KLHL28: variants seen among roughly 807,000 people sequenced by gnomAD.
The protein encoded by KLHL28 is kelch-like protein 28.
Under a neutral mutation model 48.3 loss-of-function variants are expected in KLHL28, and 22 were observed. The ratio of observed to expected loss-of-function variants is 0.46; its 90% CI spans 0.33 to 0.65. The LOEUF (loss-of-function observed/expected upper bound fraction) is 0.65. Among genes scored for constraint, KLHL28 ranks in the 30% least tolerant of loss-of-function variants. The pLI, the probability that KLHL28 is intolerant of heterozygous loss-of-function variation, is 0.03. For missense variants in KLHL28, 527 were observed against 704.3 expected (o/e 0.75, Z 2.85); for synonymous variants, 243 against 242.4 (o/e 1.00, Z -0.02).
chr14:44,934,238 A>G lies in KLHL28; in HGVS notation c.1220T>C (p.Ile407Thr). 1 of 1,614,172 alleles carries G rather than the reference A, an allele frequency of 6.2e-7. No homozygotes were observed. Residue 407 changes from isoleucine (I) to threonine (T), a missense_variant, in exon 3 of 5, where the codon ATT becomes ACT. Transcript: ENST00000396128. ...AGGTTGCCATTTTCTTATTTTGGGA[A>G]TGTACTTCTCTACAGATTGTAAATA... Reference protein sequence around the residue: ...QSYLQSVEKYIPKIRKWQPVA... With the variant: ...QSYLQSVEKYTPKIRKWQPVA...
chr14:44,930,668 G>A (rs1389948476), intron 4 of KLHL28, among the ~76,000 whole-genome samples: 1 of 152,184 alleles, frequency 6.6e-6, no homozygotes, highest in Non-Finnish European at 1.5e-5. Context: ...AACCTGGTAA[G>A]CATAATTCAA....
chr14:44,945,385 C>T lies in KLHL28; in HGVS notation c.544G>A (p.Asp182Asn), dbSNP rs773582765. Reference protein sequence around the residue: ...EFFELTHADLDEIVSNDCLNV... With the variant: ...EFFELTHADLNEIVSNDCLNV... ...AAACAGTCATTGGAAACAATTTCAT[C>T]CAAGTCAGCATGTGTAAGCTCAAAA... Residue 182 changes from aspartate to asparagine, a missense_variant, in exon 2 of 5, where the codon GAT becomes AAT. By Grantham distance (23) the Asp-to-Asn change is conservative (BLOSUM62 1). Coordinates refer to ENST00000396128, the MANE Select transcript of KLHL28 (RefSeq NM_017658.5). 3 of 1,614,164 alleles carry T rather than the reference C, an allele frequency of 1.9e-6. No individual in the cohort carries two copies. The South Asian group carries it at 3.3e-5, about 18-fold the overall frequency.
rs556632410 is a variant in KLHL28, at chr14:44,950,419, T to C, written c.1-4491A>G. On this transcript the variant is annotated intron_variant, in intron 1 of 4. Transcript: ENST00000396128. ...ATTTTTAATATAATTAGGAATCACATAGTGATAGATCCTATATTGTTAACC... is the reference window on the plus strand; with the variant it reads ...ATTTTTAATATAATTAGGAATCACACAGTGATAGATCCTATATTGTTAACC... Among the ~76,000 whole-genome samples, 5 of 152,282 alleles carry C rather than the reference T, an allele frequency of 3.3e-5. No homozygotes were observed. In the East Asian group the frequency reaches 9.6e-4, roughly 29 times the overall value.
intron 2 of KLHL28, 85 bp downstream of exon 2, chr14:44,944,945 A>G: frequency 3.9e-6 from 4 of 1,035,582 alleles, no homozygotes. Flanking sequence ...GGAAAATCAA[A>G]CTATTTTTAA....
chr14:44,930,410 A>T (rs1457859234), intron 4 of KLHL28, among the ~76,000 whole-genome samples: 1 of 152,088 alleles, frequency 6.6e-6, no homozygotes, highest in Non-Finnish European at 1.5e-5. Flanking sequence ...CACTACAGGC[A>T]TGTGCCACCG....
chr14:44,931,212 T>C (rs1883571824), intron 4 of KLHL28, 121 bp downstream of exon 4: 1 of 532,808 alleles, frequency 1.9e-6, no homozygotes, highest in Non-Finnish European at 3.1e-6. Context: ...TACAAGTCTT[T>C]TTTTTTTTTT....
intron 4 of KLHL28, among the ~76,000 whole-genome samples, chr14:44,930,867 T>C (rs1883554744): frequency 6.6e-6 from 1 of 152,204 alleles, no homozygotes; most frequent in Non-Finnish European, 1.5e-5. Flanking sequence ...CAAAAGTGGA[T>C]TTGTTTTGTT....
chr14:44,960,150 A>C (rs1210044113), intron 1 of KLHL28, among the ~76,000 whole-genome samples: 2 of 152,206 alleles, frequency 1.3e-5, no homozygotes, highest in Non-Finnish European at 2.9e-5. Context: ...CAGGGATCTA[A>C]AAAAACAAGA....
intron 1 of KLHL28, among the ~76,000 whole-genome samples, chr14:44,959,748 T>C (rs1020130869): frequency 6.6e-6 from 1 of 152,202 alleles, no homozygotes; most frequent in Non-Finnish European, 1.5e-5. Context: ...CAATTTTCAA[T>C]GTATCCTTAA....
In KLHL28 at chr14:44,928,645, T is replaced by A. The variant is rs1883454220; in HGVS notation, c.*383A>T. 7.2e-6 allele frequency: 1 copy of A among 139,022 alleles called. No homozygotes were observed. The highest frequency in any genetic ancestry group is 8.0e-5 in the Admixed American group (1 of 12,448). The allele number at this position is 139,022 out of a possible 1,614,324, so 8.6% of individuals were successfully genotyped here. A position where few individuals can be genotyped will look rare whatever the true frequency, so the allele number is the denominator to read the frequency against. ...ACTCCAGCACCTAAAGCATCGCTCA[T>A]CCTAGAAAATCATGGTTATCAGGGA... On this transcript the variant is annotated 3_prime_UTR_variant, in exon 5 of 5. Transcript: ENST00000396128.
Position 44,945,234 on chromosome 14 carries a change from T to A in KLHL28, c.695A>T (p.Lys232Met). The A allele has an allele frequency of 6.2e-7, 1 of 1,614,136 alleles. No individual in the cohort carries two copies. The highest frequency in any genetic ancestry group is 8.5e-7 in the Non-Finnish European group (1 of 1,179,986). Residue 232 changes from lysine (K) to methionine (M), a missense_variant, in exon 2 of 5, where the codon AAG becomes ATG. Physicochemically the swap from Lys to Met is moderately conservative, Grantham distance 95 (BLOSUM62 -1). Coordinates refer to ENST00000396128, the MANE Select transcript of KLHL28 (RefSeq NM_017658.5). The part of the protein sequence containing the change: ...NSVRLPLLSV[K>M]FLTRLYEANH... ...TGCTTCATATAGTCTAGTGAGAAAC[T>A]TAACACTCAACAATGGTAATCGTAC...
At chr14:44,929,892 C>T (rs57129780) in intron 4 of KLHL28, among the ~76,000 whole-genome samples, 24,254 of 152,044 alleles carry the variant, frequency 0.16, 3,586 homozygotes, top group African/African-American at 0.39. Flanking sequence ...TCTTCCTTTC[C>T]CTTCACTACA....
chr14:44,944,780 A>C (rs1884251326), intron 2 of KLHL28, among the ~76,000 whole-genome samples: 1 of 152,232 alleles, frequency 6.6e-6, no homozygotes, highest in Admixed American at 6.5e-5. Context: ...ATGGAATAAA[A>C]GTTTGTGAGT....
rs1214457337 is a variant in KLHL28 at position 44,934,489 on chromosome 14, T to C, written c.969A>G (p.Glu323=). The change falls in exon 3 of 5, where the codon GAA becomes GAG. Residue 323 remains glutamate, a synonymous_variant. Transcript: ENST00000396128. ...GLAPLNIPRY[E]FGICVLDQKV... ...TTTGGTCTAAAACGCATATTCCAAATTCATAGCGAGGAATGTTTAGGGGTG... is the reference window on the plus strand; with the variant it reads ...TTTGGTCTAAAACGCATATTCCAAACTCATAGCGAGGAATGTTTAGGGGTG... The C allele has an allele frequency of 6.2e-7, 1 of 1,613,746 alleles. No homozygotes were observed. Among genetic ancestry groups the C allele is most frequent in the South Asian group, 1.1e-5 (1 of 90,990 alleles).
At chr14:44,932,949 T>A (rs1470014021) in intron 3 of KLHL28, among the ~76,000 whole-genome samples, 3 of 152,192 alleles carry the variant, frequency 2.0e-5, no homozygotes, top group African/African-American at 7.2e-5. Context: ...AACCTCAGTA[T>A]TTGTAGAGGA....
rs1291115815 is a variant in KLHL28 at position 44,945,838 on chromosome 14, G to A, written c.91C>T (p.His31Tyr). Residue 31 changes from histidine to tyrosine, a missense_variant, in exon 2 of 5, where the codon CAT becomes TAT. Transcript: ENST00000396128. ...AGAATGATGTCACAGAGTTCGTGAT[G>A]TTGGCGAAGAAGATTCAAGCCCTGC... ...LLQGLNLLRQ[H>Y]HELCDIILRV... 1.2e-6 allele frequency: 2 copies of A among 1,614,160 alleles called. No individual in the cohort carries two copies. Among genetic ancestry groups the A allele is most frequent in the Non-Finnish European group, 1.7e-6 (2 of 1,180,000 alleles).
rs1883425698 is a variant in KLHL28, at chr14:44,927,816, A to T, written c.*1212T>A. On this transcript the variant is annotated 3_prime_UTR_variant, in exon 5 of 5. Coordinates refer to ENST00000396128, the MANE Select transcript of KLHL28 (RefSeq NM_017658.5). ...CTGCCTAGTGCTTTATATTTAATGC[A>T]TATATTTCTGTTTTTAAGAAAGACA... 6.6e-6 allele frequency: 1 copy of T among 152,628 alleles called. No individual in the cohort carries two copies. Among genetic ancestry groups the T allele is most frequent in the South Asian group, 2.1e-4 (1 of 4,834 alleles). 9.5% of individuals were successfully genotyped at this position (152,628 alleles called of 1,614,324 possible). A position where few individuals can be genotyped will look rare whatever the true frequency, so the allele number is the denominator to read the frequency against.
intron 1 of KLHL28, among the ~76,000 whole-genome samples, chr14:44,953,397 G>A (rs535233243): frequency 3.7e-4 from 56 of 152,324 alleles, no homozygotes; most frequent in African/African-American, 1.3e-3. Flanking sequence ...TCCCCAATGC[G>A]GTAGTATTGA....
rs1883328882 is a variant in KLHL28, at chr14:44,924,928, C to A, written c.*4100G>T. On this transcript the variant is annotated 3_prime_UTR_variant, in exon 5 of 5. Coordinates refer to ENST00000396128, the MANE Select transcript of KLHL28 (RefSeq NM_017658.5). Reference sequence around the variant, plus strand: ...TCACACCAGTAGGAAAATTTGTAAACCTATTGTATTAAAAATGTATTGTAT... The same window carrying A: ...TCACACCAGTAGGAAAATTTGTAAAACTATTGTATTAAAAATGTATTGTAT... 1.3e-5 allele frequency: 2 copies of A among 152,466 alleles called. No individual in the cohort carries two copies. The highest frequency in any genetic ancestry group is 2.4e-5 in the African/African-American group (1 of 41,414). 9.4% of individuals were successfully genotyped at this position (152,466 alleles called of 1,614,324 possible).
Sources: allele counts gnomAD v4.1 joint callset (sites outside exome capture counted in the v4.1 genomes callset), GRCh38; gene constraint gnomAD v4.1.1; transcripts MANE v1.5; gene names NCBI Gene and HGNC (gene_info 2026-07-23, HGNC 2026-07-21).